GALNT13: variants seen among roughly 807,000 people sequenced by gnomAD.
The protein encoded by GALNT13 is polypeptide N-acetylgalactosaminyltransferase 13.
Under a neutral mutation model 64.2 loss-of-function variants are expected in GALNT13, and 28 were observed. That is an observed-to-expected ratio of 0.44 (90% CI 0.32 to 0.60). The LOEUF is 0.60. Ranked by LOEUF, GALNT13 falls within the 20% of genes least tolerant of loss-of-function variation. The probability of loss-of-function intolerance (pLI) is 0.05; values close to 1 mark genes in which losing one functional copy is unlikely to be tolerated. For synonymous variants in GALNT13, 214 were observed against 224.6 expected, an observed-to-expected ratio of 0.95 and a Z score of 0.42; for missense variants, 577 against 669.8, an observed-to-expected ratio of 0.86 and a Z score of 1.53.
At chr2:153,471,175 T>C in the GALNT13 span, among the ~76,000 whole-genome samples, 2 of 152,094 alleles carry the variant, frequency 1.3e-5, no homozygotes, top group African/African-American at 2.4e-5. Flanking sequence ...CGCAGATAGA[T>C]CCCGAAGGAC....
At chr2:154,369,908 A>G (rs937366483) in intron 9 of GALNT13, among the ~76,000 whole-genome samples, 7 of 152,078 alleles carry the variant, frequency 4.6e-5, no homozygotes, top group Non-Finnish European at 8.8e-5. Context: ...AAAGATATTT[A>G]AATTTCTGCC....
At chr2:153,960,480 G>A (rs1435859902) in intron 3 of GALNT13, among the ~76,000 whole-genome samples, 1 of 152,192 alleles carries the variant, frequency 6.6e-6, no homozygotes, top group African/African-American at 2.4e-5. Flanking sequence ...TGCAGAGCAG[G>A]CCCATCCCAT....
chr2:153,680,013 C>T, the GALNT13 span, among the ~76,000 whole-genome samples: 1 of 151,824 alleles, frequency 6.6e-6, no homozygotes, highest in African/African-American at 2.4e-5. Flanking sequence ...TTATAATCTT[C>T]CCTATATTAT....
At chr2:154,198,966 C>T (rs983992629) in intron 4 of GALNT13, among the ~76,000 whole-genome samples, 4 of 151,858 alleles carry the variant, frequency 2.6e-5, no homozygotes, top group African/African-American at 9.7e-5. Flanking sequence ...AGCAGAATTT[C>T]AGTGGTTAAT....
At chr2:154,420,839 T>C (rs1374901299) in intron 11 of GALNT13, among the ~76,000 whole-genome samples, 1 of 152,104 alleles carries the variant, frequency 6.6e-6, no homozygotes, top group Non-Finnish European at 1.5e-5. Flanking sequence ...TTAACAGCGT[T>C]GCCTAGCCCA....
chr2:153,080,315 T>C, the GALNT13 span, among the ~76,000 whole-genome samples: 1 of 152,172 alleles, frequency 6.6e-6, no homozygotes, highest in Admixed American at 6.5e-5. Flanking sequence ...AATGTATTTA[T>C]GCTATAAATG....
At chr2:153,943,719 T>G (rs977451395) in intron 2 of GALNT13, among the ~76,000 whole-genome samples, 1 of 152,188 alleles carries the variant, frequency 6.6e-6, no homozygotes, top group Admixed American at 6.5e-5. Flanking sequence ...GGTCTCAAAC[T>G]CCTGACCTCA....
chr2:153,257,734 C>G, the GALNT13 span, among the ~76,000 whole-genome samples: 2 of 152,112 alleles, frequency 1.3e-5, no homozygotes, highest in African/African-American at 4.8e-5. Context: ...TTCTCTAGAA[C>G]TTGGAAACTA....
At chr2:153,421,182 T>A in the GALNT13 span, 1 of 196,870 alleles carries the variant, frequency 5.1e-6, no homozygotes. Flanking sequence ...CCAGCAGAGA[T>A]GACAGGGCAT....
At chr2:153,851,727 A>T in the GALNT13 span, among the ~76,000 whole-genome samples, 2 of 152,140 alleles carry the variant, frequency 1.3e-5, no homozygotes, top group African/African-American at 4.8e-5. Flanking sequence ...AACAAAAAGG[A>T]ATCTACATCT....
chr2:153,479,051 T>C, the GALNT13 span, among the ~76,000 whole-genome samples: 1 of 152,234 alleles, frequency 6.6e-6, no homozygotes, highest in African/African-American at 2.4e-5. Flanking sequence ...TGTACTCTTC[T>C]AGCTTGATGG....
chr2:154,315,092 G>A (rs1209181361), intron 9 of GALNT13, among the ~76,000 whole-genome samples: 1 of 152,020 alleles, frequency 6.6e-6, no homozygotes, highest in East Asian at 1.9e-4. Flanking sequence ...TCTCAGATAT[G>A]CTAAATTGTC....
the GALNT13 span, chr2:153,159,045 G>T: frequency 1.1e-5 from 2 of 178,002 alleles, no homozygotes; most frequent in South Asian, 1.3e-4. Context: ...CTTTCACACA[G>T]GGCAGCCATG....
chr2:153,174,855 T>A, the GALNT13 span, among the ~76,000 whole-genome samples: 1 of 152,306 alleles, frequency 6.6e-6, no homozygotes, highest in South Asian at 2.1e-4. Flanking sequence ...AGGCTTTCTC[T>A]ACCAAGCACC....
chr2:154,302,595 G>C (rs1194887881), intron 9 of GALNT13, among the ~76,000 whole-genome samples: 2 of 152,216 alleles, frequency 1.3e-5, no homozygotes, highest in African/African-American at 4.8e-5. Flanking sequence ...GAGTGAACCT[G>C]GCCCAAGGCA....
At chr2:154,455,415 A>G (rs1702019271), downstream of GALNT13, among the ~76,000 whole-genome samples, 1 of 152,194 alleles carries the variant, frequency 6.6e-6, no homozygotes, top group Non-Finnish European at 1.5e-5. Flanking sequence ...TTTTTAATGG[A>G]TGTGTCACCA....
intron 3 of GALNT13, among the ~76,000 whole-genome samples, chr2:154,127,960 C>T (rs1418804274): frequency 1.3e-5 from 2 of 151,932 alleles, no homozygotes; most frequent in African/African-American, 2.4e-5. Flanking sequence ...CCTTAGAGCA[C>T]TGTGTTATTT....
At chr2:153,660,682 T>A in the GALNT13 span, among the ~76,000 whole-genome samples, 1 of 151,896 alleles carries the variant, frequency 6.6e-6, no homozygotes, top group Non-Finnish European at 1.5e-5. Context: ...ACCTGTCAGC[T>A]GCTACAGTTA....
At chr2:154,285,228 T>C (rs1047393053) in intron 8 of GALNT13, among the ~76,000 whole-genome samples, 1 of 152,146 alleles carries the variant, frequency 6.6e-6, no homozygotes, top group Non-Finnish European at 1.5e-5. Context: ...TTGACACAAT[T>C]TAATTTGTCT....
Sources: allele counts gnomAD v4.1 joint callset (sites outside exome capture counted in the v4.1 genomes callset), GRCh38; gene constraint gnomAD v4.1.1; transcripts MANE v1.5; gene names NCBI Gene and HGNC (gene_info 2026-07-23, HGNC 2026-07-21).